GPC6: variants seen among roughly 807,000 people sequenced by gnomAD.
GPC6 encodes glypican-6.
Under a neutral mutation model 55.2 loss-of-function variants are expected in GPC6, and 14 were observed. The ratio of observed to expected loss-of-function variants is 0.25; its 90% CI spans 0.17 to 0.40. GPC6 has a LOEUF of 0.40. Ranked by LOEUF, GPC6 falls within the 10% of genes least tolerant of loss-of-function variation. The pLI, the probability that GPC6 is intolerant of heterozygous loss-of-function variation, is 1.00. For missense variants in GPC6, 641 were observed against 708.5 expected (o/e 0.90, Z 1.08); for synonymous variants, 278 against 259.6 (o/e 1.07, Z -0.68).
intron 1 of GPC6, among the ~76,000 whole-genome samples, chr13:93,359,760 G>T (rs994011696): frequency 3.3e-5 from 5 of 152,172 alleles, no homozygotes; most frequent in African/African-American, 1.2e-4. Context: ...AATTTACCTG[G>T]AGGAAGGCAA....
At chr13:94,321,638 G>A (rs1244080540) in intron 6 of GPC6, among the ~76,000 whole-genome samples, 1 of 152,090 alleles carries the variant, frequency 6.6e-6, no homozygotes, top group Non-Finnish European at 1.5e-5. Context: ...TATTTTTTGA[G>A]TTCTCTGTTT....
chr13:93,374,871 T>C (rs1431545930), intron 1 of GPC6, among the ~76,000 whole-genome samples: 3 of 152,286 alleles, frequency 2.0e-5, no homozygotes, highest in South Asian at 2.1e-4. Context: ...TTCTCATAAA[T>C]ATAACATTTT....
At chr13:93,952,263 A>G (rs1428102155) in intron 3 of GPC6, among the ~76,000 whole-genome samples, 1 of 152,164 alleles carries the variant, frequency 6.6e-6, no homozygotes, top group Non-Finnish European at 1.5e-5. Context: ...CTAGGCTTTT[A>G]TACCCATTTT....
At chr13:93,941,987 T>C (rs1878760528) in intron 3 of GPC6, among the ~76,000 whole-genome samples, 1 of 152,148 alleles carries the variant, frequency 6.6e-6, no homozygotes, top group Admixed American at 6.6e-5. Flanking sequence ...CAGAAATCTC[T>C]CACAACACCA....
rs1218928302 is a variant in GPC6, at chr13:93,685,688, T to G, written c.319+140267T>G. On this transcript the variant is annotated intron_variant, in intron 2 of 8. Coordinates refer to ENST00000377047, the MANE Select transcript of GPC6 (RefSeq NM_005708.5). The stretch of plus-strand genomic sequence containing the variant: ...TGAGCCTGGAGTCGCTAGTTGATTT[T>G]TCTATAAGGTCACATTAGCTTCCCA... Among the ~76,000 whole-genome samples the G allele has an allele frequency of 2.0e-5, 3 of 152,264 alleles. No homozygotes were observed. The East Asian group carries it at 5.8e-4, about 29-fold the overall frequency.
chr13:94,171,685 G>A (rs1333251), intron 4 of GPC6, among the ~76,000 whole-genome samples: 30,876 of 152,120 alleles, frequency 0.2, 3,388 homozygotes, highest in South Asian at 0.29. Flanking sequence ...CTGCATTTTA[G>A]TTGTTACCAG....
At chr13:93,968,346 T>C (rs1406703454) in intron 3 of GPC6, among the ~76,000 whole-genome samples, 2 of 152,320 alleles carry the variant, frequency 1.3e-5, no homozygotes, top group East Asian at 1.9e-4. Context: ...TTTAAACTTC[T>C]GTAGCTTTAT....
intron 2 of GPC6, among the ~76,000 whole-genome samples, chr13:93,692,838 CTT>C (rs1052587239): frequency 3.9e-5 from 6 of 152,120 alleles, no homozygotes; most frequent in African/African-American, 1.2e-4. Flanking sequence ...TTACATCTCT[CTT>C]AATTTTAATT....
chr13:93,667,294 T>G (rs1176462711), intron 2 of GPC6, among the ~76,000 whole-genome samples: 3 of 152,170 alleles, frequency 2.0e-5, no homozygotes. Context: ...TACTTCAAAT[T>G]TTTAATGATA....
intron 4 of GPC6, among the ~76,000 whole-genome samples, chr13:94,099,928 A>T (rs2039105): frequency 0.39 from 59,714 of 151,654 alleles, 11,935 homozygotes; most frequent in Middle Eastern, 0.45. Context: ...ATTCTTAGCC[A>T]GCATTAGAAT....
At chr13:93,739,297 G>C (rs899955924) in intron 2 of GPC6, among the ~76,000 whole-genome samples, 1 of 151,780 alleles carries the variant, frequency 6.6e-6, no homozygotes, top group African/African-American at 2.4e-5. Flanking sequence ...CATGACATGT[G>C]GCTTCTGTAA....
intron 2 of GPC6, among the ~76,000 whole-genome samples, chr13:93,820,690 C>A (rs897677964): frequency 2.2e-5 from 3 of 138,838 alleles, no homozygotes; most frequent in Non-Finnish European, 3.1e-5. Context: ...TTTTATTCTT[C>A]TTTTTCATCT....
At position 93,986,570 on chromosome 13, in the gene GPC6, A is replaced by G. The variant is rs74109175; in HGVS notation, c.712-41159A>G. ...TAGGACCAAGAGAAGAAAAGTAAAG[A>G]CTGTGTATATTATACATATCCATTA... On this transcript the variant is annotated intron_variant, in intron 3 of 8. Coordinates refer to ENST00000377047, the MANE Select transcript of GPC6 (RefSeq NM_005708.5). 6.5e-3 allele frequency among the ~76,000 whole-genome samples: 987 copies of G among 152,268 alleles called. 14 individuals carry two copies. The highest frequency in any genetic ancestry group is 0.023 in the African/African-American group (938 of 41,570).
At chr13:93,661,414 A>G (rs961999712) in intron 2 of GPC6, among the ~76,000 whole-genome samples, 7 of 152,034 alleles carry the variant, frequency 4.6e-5, no homozygotes, top group Non-Finnish European at 8.8e-5. Context: ...GGTATTCACC[A>G]TTTTGGCCAG....
chr13:93,809,804 G>T (rs1886642475), intron 2 of GPC6, among the ~76,000 whole-genome samples: 1 of 152,044 alleles, frequency 6.6e-6, no homozygotes, highest in South Asian at 2.1e-4. Flanking sequence ...CATTCCCTTG[G>T]TCATTACTGC....
chr13:93,972,124 A>G (rs1366591170), intron 3 of GPC6, among the ~76,000 whole-genome samples: 3 of 152,162 alleles, frequency 2.0e-5, no homozygotes, highest in Admixed American at 2.0e-4. Context: ...TGGTCCAATC[A>G]CATAGGTTAA....
chr13:93,308,858 A>G (rs1289530790), intron 1 of GPC6, among the ~76,000 whole-genome samples: 4 of 152,204 alleles, frequency 2.6e-5, no homozygotes, highest in Admixed American at 6.5e-5. Flanking sequence ...ACAATGTTTT[A>G]TATGTATTTA....
chr13:93,602,056 G>A (rs562819832), intron 2 of GPC6, among the ~76,000 whole-genome samples: 46 of 152,250 alleles, frequency 3.0e-4, no homozygotes, highest in African/African-American at 1.0e-3. Context: ...TGGACATTCT[G>A]TAGAATAAAA....
rs187691401 is a variant in GPC6, at chr13:93,283,472, T to G, written c.160+55856T>G. On this transcript the variant is annotated intron_variant, in intron 1 of 8. Coordinates refer to ENST00000377047, the MANE Select transcript of GPC6 (RefSeq NM_005708.5). Reference sequence around the variant, plus strand: ...GGAGTTAACAGATGAATATCAGCATTGCTGCAGACCAGTGAGAAATGACCA... The same window carrying G: ...GGAGTTAACAGATGAATATCAGCATGGCTGCAGACCAGTGAGAAATGACCA... 1.8e-3 allele frequency among the ~76,000 whole-genome samples: 279 copies of G among 152,316 alleles called. 2 individuals carry two copies. Among genetic ancestry groups the G allele is most frequent in the Non-Finnish European group, 4.0e-4 (27 of 68,026 alleles).
Sources: allele counts gnomAD v4.1 joint callset (sites outside exome capture counted in the v4.1 genomes callset), GRCh38; gene constraint gnomAD v4.1.1; transcripts MANE v1.5; gene names NCBI Gene and HGNC (gene_info 2026-07-23, HGNC 2026-07-21).